GPC3: variants seen among roughly 807,000 people sequenced by gnomAD.
GPC3 encodes glypican 3, also known as glypican-3.
GPC3 carries 3 observed loss-of-function variants against 34.4 expected under a neutral mutation model. The ratio of observed to expected loss-of-function variants is 0.09; its 90% CI spans 0.04 to 0.23. The LOEUF (loss-of-function observed/expected upper bound fraction) is 0.23, where lower values mean the gene tolerates loss of function less well. GPC3 is among the 10% of genes least tolerant of loss of function. GPC3 has a pLI of 1.00. For synonymous variants in GPC3, 177 were observed against 174.0 expected (o/e 1.02, Z -0.13); for missense variants, 351 against 445.6 (o/e 0.79, Z 1.91).
rs750645158 is a variant in GPC3 at position 133,743,474 on chromosome X, C to A, written c.1032+10008G>T. 8.9e-5 allele frequency among the ~76,000 whole-genome samples: 10 copies of A among 112,499 alleles called. No individual in the cohort carries two copies. In the South Asian group the frequency reaches 3.7e-3, roughly 41 times the overall value. ...TCTGCCAGATACCTGAGCAAGATAG[C>A]AAAATGCATGGGCATAAGAGGTCAG... is the stretch of plus-strand genomic sequence containing the variant. On this transcript the variant is annotated intron_variant, in intron 3 of 7. Transcript: ENST00000370818.
At chrX:133,684,787 C>A (rs139642139) in intron 5 of GPC3, among the ~76,000 whole-genome samples, 131 of 111,226 alleles carry the variant, frequency 1.2e-3, no homozygotes, top group African/African-American at 4.1e-3. Context: ...TGTATAGCAA[C>A]TGCTGCGTAC....
intron 6 of GPC3, among the ~76,000 whole-genome samples, chrX:133,637,977 C>G (rs2070445427): frequency 9.0e-6 from 1 of 111,323 alleles, no homozygotes; most frequent in African/African-American, 3.3e-5. Context: ...TTCTTAGAGG[C>G]AAAATCATGA....
At chrX:133,628,237 A>G (rs1270737851) in intron 6 of GPC3, among the ~76,000 whole-genome samples, 1 of 112,589 alleles carries the variant, frequency 8.9e-6, no homozygotes, top group Non-Finnish European at 1.9e-5. Flanking sequence ...AACATCAAAA[A>G]CAGTGTGTCC....
intron 6 of GPC3, among the ~76,000 whole-genome samples, chrX:133,611,906 G>T (rs937849102): frequency 8.9e-6 from 1 of 112,020 alleles, no homozygotes; most frequent in African/African-American, 3.3e-5. Flanking sequence ...CCACAAGTTT[G>T]AACTAAATTC....
At chrX:133,766,956 A>C (rs186514187) in intron 2 of GPC3, among the ~76,000 whole-genome samples, 190 of 112,183 alleles carry the variant, frequency 1.7e-3, no homozygotes, top group Middle Eastern at 4.6e-3. Context: ...TGAGGTGAGT[A>C]TAGTATTGTT....
intron 2 of GPC3, chrX:133,763,587 T>G: frequency 1.6e-6 from 1 of 629,463 alleles, no homozygotes; most frequent in South Asian, 2.2e-5. Flanking sequence ...AGTTCCCTAC[T>G]GAAGACTGGA....
intron 2 of GPC3, among the ~76,000 whole-genome samples, chrX:133,759,485 A>T (rs2071764644): frequency 8.9e-6 from 1 of 112,295 alleles, no homozygotes; most frequent in African/African-American, 3.2e-5. Context: ...CTGATCTTTG[A>T]CAAAAGAGCA....
At chrX:133,781,482 C>G (rs2072043300) in intron 2 of GPC3, among the ~76,000 whole-genome samples, 1 of 111,994 alleles carries the variant, frequency 8.9e-6, no homozygotes, top group Non-Finnish European at 1.9e-5. Context: ...GTCAGGAGAC[C>G]AATAAAGCAC....
At chrX:133,654,725 C>CA (rs1311663924) in intron 6 of GPC3, among the ~76,000 whole-genome samples, 2 of 108,566 alleles carry the variant, frequency 1.8e-5, no homozygotes, top group African/African-American at 7.0e-5. Context: ...AAACAAAAAA[C>CA]AAAAAACAAA....
intron 2 of GPC3, among the ~76,000 whole-genome samples, chrX:133,814,127 G>A (rs2075677929): frequency 9.0e-6 from 1 of 111,325 alleles, no homozygotes; most frequent in Non-Finnish European, 1.9e-5. Flanking sequence ...GGACACTTTC[G>A]GATGTCGAGG....
chrX:133,727,467 T>C (rs1427608821), intron 3 of GPC3, among the ~76,000 whole-genome samples: 1 of 110,511 alleles, frequency 9.0e-6, no homozygotes, highest in African/African-American at 3.3e-5. Flanking sequence ...GGAGAATCAC[T>C]TGAACCCGGG....
At chrX:133,776,100 T>G (rs1435765058) in intron 2 of GPC3, among the ~76,000 whole-genome samples, 1 of 111,661 alleles carries the variant, frequency 9.0e-6, no homozygotes, top group Non-Finnish European at 1.9e-5. Flanking sequence ...ATATTAAACT[T>G]CTAGGGTTGT....
intron 2 of GPC3, among the ~76,000 whole-genome samples, chrX:133,787,480 G>A (rs2072113450): frequency 8.9e-6 from 1 of 111,926 alleles, no homozygotes; most frequent in Non-Finnish European, 1.9e-5. Flanking sequence ...TAGAAAGGAG[G>A]AACACTGAAC....
chrX:133,886,209 A>T (rs896087443), intron 2 of GPC3, among the ~76,000 whole-genome samples: 2 of 110,594 alleles, frequency 1.8e-5, no homozygotes, highest in Admixed American at 9.7e-5. Flanking sequence ...CTAATCAGAG[A>T]TTAGAACTCA....
chrX:133,692,275 A>C, intron 5 of GPC3, 94 bp downstream of exon 5: 1 of 954,514 alleles, frequency 1.0e-6, no homozygotes, highest in South Asian at 2.0e-5. Context: ...TTTCTGGTGC[A>C]ATTAATGGAG....
chrX:133,616,847 G>A (rs1261938739), intron 6 of GPC3, among the ~76,000 whole-genome samples: 4 of 108,620 alleles, frequency 3.7e-5, no homozygotes, highest in East Asian at 2.9e-4. Context: ...ACAGGTGCCC[G>A]CCACCTCGCC....
At chrX:133,706,482 T>C (rs1275383154) in intron 3 of GPC3, among the ~76,000 whole-genome samples, 2 of 110,756 alleles carry the variant, frequency 1.8e-5, no homozygotes, top group Non-Finnish European at 3.8e-5. Flanking sequence ...CCAGAAGCTA[T>C]AAGGAACTTA....
chrX:133,580,608 A>G (rs2069723635), intron 7 of GPC3, among the ~76,000 whole-genome samples: 1 of 112,130 alleles, frequency 8.9e-6, no homozygotes, highest in Admixed American at 9.5e-5. Context: ...TAAAAATGAT[A>G]AAGAATTTAT....
chrX:133,787,593 C>T lies in GPC3; in HGVS notation c.338-33417G>A, dbSNP rs747371955. ...CAGAGAGTGGCAGGTCCCCCAGGGG[C>T]CCCAGGCTGTTACCAAGTAGAGGTG... is the stretch of plus-strand genomic sequence containing the variant. On this transcript the variant is annotated intron_variant, in intron 2 of 7. Transcript: ENST00000370818. Among the ~76,000 whole-genome samples, 4 of 111,694 alleles carry T rather than the reference C, an allele frequency of 3.6e-5. No individual in the cohort carries two copies. The East Asian group carries it at 8.5e-4, about 24-fold the overall frequency.
Sources: gnomAD v4.1 joint callset for allele counts (sites outside exome capture counted in the v4.1 genomes callset) on GRCh38, gnomAD v4.1.1 for gene constraint, MANE v1.5 for transcripts, NCBI Gene and HGNC (gene_info 2026-07-23, HGNC 2026-07-21) for gene names.